Variants in CNTNAP2 observed in about 807,000 individuals in gnomAD.
CNTNAP2 encodes contactin associated protein 2, also known as contactin-associated protein-like 2.
Under a neutral mutation model 155.2 loss-of-function variants are expected in CNTNAP2, and 98 were observed. The ratio of observed to expected loss-of-function variants is 0.63; its 90% CI spans 0.54 to 0.75. The LOEUF is 0.75. CNTNAP2 is among the 30% of genes least tolerant of loss of function. CNTNAP2 has a pLI of 0.00. For synonymous variants in CNTNAP2, 651 were observed against 631.2 expected (o/e 1.03, Z -0.47); for missense variants, 1,727 against 1,688.1 (o/e 1.02, Z -0.40).
At chr7:147,656,502 A>G (rs1357266026) in intron 13 of CNTNAP2, among the ~76,000 whole-genome samples, 1 of 152,188 alleles carries the variant, frequency 6.6e-6, no homozygotes, top group Non-Finnish European at 1.5e-5. Context: ...ATTTTGTCTC[A>G]AGGAATAAGA....
intron 15 of CNTNAP2, among the ~76,000 whole-genome samples, chr7:147,998,496 G>C (rs1474054232): frequency 6.6e-6 from 1 of 152,156 alleles, no homozygotes; most frequent in Non-Finnish European, 1.5e-5. Flanking sequence ...TTGCAATCAA[G>C]GAATTGATCA....
At chr7:146,896,668 T>C (rs1332249710) in intron 3 of CNTNAP2, among the ~76,000 whole-genome samples, 1 of 152,018 alleles carries the variant, frequency 6.6e-6, no homozygotes, top group Non-Finnish European at 1.5e-5. Context: ...CAATTACTTT[T>C]GCACCGACCT....
At chr7:147,569,367 C>T (rs181310563) in intron 12 of CNTNAP2, among the ~76,000 whole-genome samples, 4 of 150,780 alleles carry the variant, frequency 2.7e-5, no homozygotes, top group Non-Finnish European at 4.4e-5. Flanking sequence ...CCACCTCCCC[C>T]TCCCCGTGTC....
At chr7:148,000,319 T>G (rs1320484106) in intron 15 of CNTNAP2, among the ~76,000 whole-genome samples, 1 of 152,166 alleles carries the variant, frequency 6.6e-6, no homozygotes, top group Non-Finnish European at 1.5e-5. Flanking sequence ...AAGAAGCCTT[T>G]GTGTTTAGGA....
rs544315311 is a variant in CNTNAP2, at chr7:147,714,090, C to T, written c.2098+74784C>T. ...GCTGTAGTAAGTGCTTTATATATGG[C>T]ATCTTATTAATACACATAAGAACCC... On this transcript the variant is annotated intron_variant, in intron 13 of 23. Transcript: ENST00000361727. Among the ~76,000 whole-genome samples, 105 of 152,170 alleles carry T rather than the reference C, an allele frequency of 6.9e-4. 1 individual carries two copies. Among genetic ancestry groups the T allele is most frequent in the African/African-American group, 2.5e-3 (102 of 41,548 alleles).
chr7:146,313,122 G>A (rs1047110755), intron 1 of CNTNAP2, among the ~76,000 whole-genome samples: 6 of 152,146 alleles, frequency 3.9e-5, no homozygotes, highest in Non-Finnish European at 8.8e-5. Context: ...AGATTTACGA[G>A]TTACTCCCAT....
At chr7:147,767,577 A>G (rs773298604) in intron 13 of CNTNAP2, among the ~76,000 whole-genome samples, 12 of 152,006 alleles carry the variant, frequency 7.9e-5, no homozygotes, top group Admixed American at 2.6e-4. Flanking sequence ...AAATAATATT[A>G]TTGTTTATAG....
chr7:147,038,768 G>T (rs1214186962), intron 3 of CNTNAP2, among the ~76,000 whole-genome samples: 1 of 152,132 alleles, frequency 6.6e-6, no homozygotes, highest in Non-Finnish European at 1.5e-5. Flanking sequence ...ATTATGCAAT[G>T]GTCTTCTACT....
intron 13 of CNTNAP2, among the ~76,000 whole-genome samples, chr7:147,683,277 T>C (rs1795973588): frequency 6.6e-6 from 1 of 151,908 alleles, no homozygotes; most frequent in Non-Finnish European, 1.5e-5. Flanking sequence ...CTTTGATATA[T>C]GCAAACTGCA....
At chr7:147,491,452 T>C (rs1798607900) in intron 11 of CNTNAP2, among the ~76,000 whole-genome samples, 1 of 147,606 alleles carries the variant, frequency 6.8e-6, no homozygotes. Flanking sequence ...CAAATCCTCT[T>C]ATTCTAAAAC....
chr7:146,967,405 G>A (rs923045833), intron 3 of CNTNAP2, among the ~76,000 whole-genome samples: 8 of 152,042 alleles, frequency 5.3e-5, no homozygotes, highest in Non-Finnish European at 1.2e-4. Context: ...TGGGCAGTAC[G>A]GCCATTTTCA....
intron 15 of CNTNAP2, among the ~76,000 whole-genome samples, chr7:148,083,032 T>C (rs990693036): frequency 1.3e-5 from 2 of 151,990 alleles, no homozygotes; most frequent in Non-Finnish European, 1.5e-5. Flanking sequence ...AGCTTTAGAT[T>C]CTGGGACAGT....
At position 146,374,556 on chromosome 7, in the gene CNTNAP2, T is replaced by C. The variant is rs970876522; in HGVS notation, c.97+257583T>C. 5.3e-5 allele frequency among the ~76,000 whole-genome samples: 8 copies of C among 152,206 alleles called. No individual in the cohort carries two copies. The East Asian group carries it at 1.3e-3, about 26-fold the overall frequency. On this transcript the variant is annotated intron_variant, in intron 1 of 23. Coordinates refer to ENST00000361727, the MANE Select transcript of CNTNAP2 (RefSeq NM_014141.6). ...CCTGTTCTTAGTAGGAGGCCTTTGA[T>C]GTAGCTGAATAAGTGTGTAACTGAT...
intron 20 of CNTNAP2, among the ~76,000 whole-genome samples, chr7:148,239,575 T>C (rs920577943): frequency 3.3e-5 from 5 of 152,210 alleles, no homozygotes; most frequent in African/African-American, 1.2e-4. Context: ...ATGTCGCCTC[T>C]GGTTTTGGGT....
At chr7:146,440,347 T>G (rs983009182) in intron 1 of CNTNAP2, among the ~76,000 whole-genome samples, 15 of 151,594 alleles carry the variant, frequency 9.9e-5, no homozygotes, top group Non-Finnish European at 1.6e-4. Context: ...GTATGAAAAG[T>G]GCTGAGATTT....
chr7:147,825,510 A>G (rs1014917232), intron 13 of CNTNAP2, among the ~76,000 whole-genome samples: 1 of 152,336 alleles, frequency 6.6e-6, no homozygotes, highest in Non-Finnish European at 1.5e-5. Flanking sequence ...GAGAGGAGAA[A>G]CTAGGATTGT....
chr7:147,196,491 A>G (rs1421438965), intron 8 of CNTNAP2, among the ~76,000 whole-genome samples: 2 of 152,242 alleles, frequency 1.3e-5, no homozygotes, highest in Non-Finnish European at 2.9e-5. Context: ...TAAAGGATGA[A>G]TTAGTATGAT....
At chr7:148,259,882 A>G (rs1047857837) in intron 20 of CNTNAP2, among the ~76,000 whole-genome samples, 1 of 152,372 alleles carries the variant, frequency 6.6e-6, no homozygotes, top group East Asian at 1.9e-4. Flanking sequence ...TGTTCACTCA[A>G]GGTTGTCCTG....
rs189517202 is a variant in CNTNAP2 at position 146,168,672 on chromosome 7, T to A, written c.97+51699T>A. Among the ~76,000 whole-genome samples, 8 of 152,302 alleles carry A rather than the reference T, an allele frequency of 5.3e-5. No homozygotes were observed. The East Asian group carries it at 1.5e-3, about 29-fold the overall frequency. On this transcript the variant is annotated intron_variant, in intron 1 of 23. Transcript: ENST00000361727. ...ACATTACATCTGGATTTCAAACACT[T>A]CTCTGTGCATCCACTTTCTCACTCC...
Sources: gnomAD v4.1 joint callset for allele counts (sites outside exome capture counted in the v4.1 genomes callset) on GRCh38, gnomAD v4.1.1 for gene constraint, MANE v1.5 for transcripts, NCBI Gene and HGNC (gene_info 2026-07-23, HGNC 2026-07-21) for gene names.